The following KIAA2012 variants were observed in gnomAD, a reference collection of about 807,000 sequenced individuals.
KIAA2012 encodes uncharacterized protein KIAA2012.
In KIAA2012, 125 loss-of-function variants were observed where a neutral mutation model predicts 150.6. The observed-to-expected ratio is 0.83, with a 90% CI of 0.72 to 0.96. The LOEUF (loss-of-function observed/expected upper bound fraction) is 0.96, where lower values mean the gene tolerates loss of function less well. Among genes scored for constraint, KIAA2012 ranks in the 40% least tolerant of loss-of-function variants. The pLI is 0.00. For missense variants in KIAA2012, 1,219 were observed against 1,354.9 expected (o/e 0.90, Z 1.57); for synonymous variants, 462 against 504.7 (o/e 0.92, Z 1.13).
chr2:202,137,192 G>A (rs1691082613), intron 12 of KIAA2012: 1 of 152,160 alleles, frequency 6.6e-6, no homozygotes. Flanking sequence ...TGAGTATCAA[G>A]TATGGAAAGA....
chr2:202,091,937 T>C lies in KIAA2012; in HGVS notation c.529+1008T>C, dbSNP rs370082407. The stretch of plus-strand genomic sequence containing the variant: ...TGAAAGTTGTGGGCTCCTCCAGTCA[T>C]TGGTTTTACTCTCAGGGCAGTTCCA... On this transcript the variant is annotated intron_variant, in intron 3 of 23. Coordinates refer to ENST00000498697, the MANE Select transcript of KIAA2012 (RefSeq NM_001277372.4). 1.5e-3 allele frequency among the ~76,000 whole-genome samples: 232 copies of C among 152,298 alleles called. 2 individuals are homozygous for C. Among genetic ancestry groups the C allele is most frequent in the African/African-American group, 5.4e-3 (225 of 41,566 alleles).
chr2:202,152,242 G>C (rs1185458100), intron 13 of KIAA2012, among the ~76,000 whole-genome samples: 1 of 152,090 alleles, frequency 6.6e-6, no homozygotes, highest in Non-Finnish European at 1.5e-5. Flanking sequence ...CATTCCAGTG[G>C]GTATAGAGCC....
intron 13 of KIAA2012, among the ~76,000 whole-genome samples, chr2:202,142,573 T>G (rs1691215339): frequency 6.6e-6 from 1 of 152,232 alleles, no homozygotes; most frequent in Non-Finnish European, 1.5e-5. Flanking sequence ...TTGTTAGTCC[T>G]GCAAAGGCAG....
intron 18 of KIAA2012, among the ~76,000 whole-genome samples, chr2:202,189,478 G>C (rs1692288749): frequency 2.0e-5 from 3 of 151,832 alleles, no homozygotes; most frequent in African/African-American, 7.3e-5. Context: ...TTTTAGTAGA[G>C]ACAGGGTTTC....
At position 202,093,186 on chromosome 2, in the gene KIAA2012, G is replaced by A. The variant is rs1689775993; in HGVS notation, c.685+1G>A. 4.5e-6 allele frequency: 7 copies of A among 1,550,738 alleles called. No homozygotes were observed. The highest frequency in any genetic ancestry group is 2.4e-5 in the East Asian group (1 of 40,920). On this transcript the variant is annotated splice_donor_variant, in intron 4 of 23. Transcript: ENST00000498697. LOFTEE classifies it high-confidence loss of function. ...CAACAAGGAAAATCTTTTGAACAAC[G>A]TACGTGTTGATTTACATGTTGATTT... is the stretch of plus-strand genomic sequence containing the variant.
chr2:202,097,336 C>T, intron 4 of KIAA2012, 99 bp from the exon 5 acceptor site: 1 of 1,512,698 alleles, frequency 6.6e-7, no homozygotes, highest in Non-Finnish European at 8.9e-7. Flanking sequence ...GCCTTGAGCA[C>T]TTTTACTCAG....
chr2:202,197,080 T>TGCTA (rs1692430234), intron 22 of KIAA2012, 61 bp downstream of exon 22: 1 of 1,546,816 alleles, frequency 6.5e-7, no homozygotes, highest in East Asian at 2.4e-5. Flanking sequence ...CACTGTCCAG[T>TGCTA]GCTAGTGCTA....
chr2:202,200,863 C>T (rs1159003161), intron 22 of KIAA2012, among the ~76,000 whole-genome samples: 1 of 151,880 alleles, frequency 6.6e-6, no homozygotes. Flanking sequence ...TGCACCACTA[C>T]GCCCGGCTAA....
chr2:202,085,659 A>C (rs1357236650), intron 2 of KIAA2012, among the ~76,000 whole-genome samples: 1 of 152,206 alleles, frequency 6.6e-6, no homozygotes, highest in African/African-American at 2.4e-5. Context: ...GTATGAGAAT[A>C]ATACATTTAT....
At chr2:202,149,017 G>C (rs1043844918) in intron 13 of KIAA2012, among the ~76,000 whole-genome samples, 5 of 152,190 alleles carry the variant, frequency 3.3e-5, no homozygotes, top group African/African-American at 9.7e-5. Flanking sequence ...AACAGGGCCC[G>C]GGAAGGCCAA....
At chr2:202,123,678 C>G (rs1006628245) in intron 11 of KIAA2012, among the ~76,000 whole-genome samples, 6 of 152,042 alleles carry the variant, frequency 3.9e-5, no homozygotes, top group African/African-American at 1.5e-4. Flanking sequence ...GGTAATGAGA[C>G]GATGAAGCAA....
chr2:202,161,508 T>C (rs1380127019), intron 14 of KIAA2012, among the ~76,000 whole-genome samples: 1 of 152,082 alleles, frequency 6.6e-6, no homozygotes, highest in Admixed American at 6.5e-5. Flanking sequence ...CTGTGTCTAA[T>C]TTACACTGTC....
intron 4 of KIAA2012, among the ~76,000 whole-genome samples, chr2:202,095,439 G>A (rs1365643312): frequency 6.6e-6 from 1 of 152,052 alleles, no homozygotes; most frequent in African/African-American, 2.4e-5. Context: ...CAAATACTGG[G>A]GTCTGCATTC....
chr2:202,190,264 T>A lies in KIAA2012; in HGVS notation c.2582T>A (p.Ile861Lys), dbSNP rs1357147190. 5.2e-6 allele frequency: 8 copies of A among 1,550,026 alleles called. No homozygotes were observed. Among genetic ancestry groups the A allele is most frequent in the South Asian group, 1.2e-5 (1 of 83,956 alleles). The change falls in exon 19 of 24, where the codon ATA becomes AAA. Residue 861 changes from isoleucine to lysine, a missense_variant. Coordinates refer to ENST00000498697, the MANE Select transcript of KIAA2012 (RefSeq NM_001277372.4). ...ACACAGAAGGAAAGAAATCTGGAGA[T>A]AGCGGCAGAGCTGAGCGGGCCTGAT... ...KRTQKERNLEIAAELSGPDVS... is the reference protein window; with the variant it reads ...KRTQKERNLEKAAELSGPDVS...
intron 14 of KIAA2012, among the ~76,000 whole-genome samples, chr2:202,155,227 A>G (rs1289317966): frequency 6.6e-6 from 1 of 152,210 alleles, no homozygotes; most frequent in African/African-American, 2.4e-5. Context: ...GTCAACTGCA[A>G]ATTCCTTTCT....
In KIAA2012 at chr2:202,160,593, G is replaced by A. The variant is rs529987939; in HGVS notation, c.2047-4691G>A. Among the ~76,000 whole-genome samples, 8 of 152,222 alleles carry A rather than the reference G, an allele frequency of 5.3e-5. No individual in the cohort carries two copies. The South Asian group carries it at 8.3e-4, about 16-fold the overall frequency. On this transcript the variant is annotated intron_variant, in intron 14 of 23. Transcript: ENST00000498697. ...CTCCCAAAGTGCTGGGATTACAGGC[G>A]TGAGCCACCACGCCCGGCCAAAATC... is the stretch of plus-strand genomic sequence containing the variant.
intron 14 of KIAA2012, among the ~76,000 whole-genome samples, chr2:202,160,728 G>A (rs1014847705): frequency 6.6e-6 from 1 of 152,180 alleles, no homozygotes; most frequent in African/African-American, 2.4e-5. Flanking sequence ...CCATCATTTA[G>A]AAAGTATTGA....
chr2:202,074,847 G>T, intron 1 of KIAA2012, 44 bp from the exon 2 acceptor site: 1 of 1,503,144 alleles, frequency 6.7e-7, no homozygotes. Context: ...CTATAGAAAG[G>T]TCTTCCACAG....
At chr2:202,148,405 A>G (rs2105949201) in intron 13 of KIAA2012, among the ~76,000 whole-genome samples, 1 of 152,148 alleles carries the variant, frequency 6.6e-6, no homozygotes, top group South Asian at 2.1e-4. Context: ...AAAATTCCTG[A>G]CAGGCGGAGA....
Sources: allele counts gnomAD v4.1 joint callset (sites outside exome capture counted in the v4.1 genomes callset), GRCh38; gene constraint gnomAD v4.1.1; transcripts MANE v1.5; gene names NCBI Gene and HGNC (gene_info 2026-07-23, HGNC 2026-07-21).